CSNK1G3: variants seen among roughly 807,000 people sequenced by gnomAD.
The protein encoded by CSNK1G3 is casein kinase 1 gamma 3, also known as casein kinase I isoform gamma-3.
CSNK1G3 carries 23 observed loss-of-function variants against 64.3 expected under a neutral mutation model. That is an observed-to-expected ratio of 0.36 (90% CI 0.26 to 0.51). The LOEUF is 0.51. Among genes scored for constraint, CSNK1G3 ranks in the 20% least tolerant of loss-of-function variants. The pLI, the probability that CSNK1G3 is intolerant of heterozygous loss-of-function variation, is 0.96. For synonymous variants in CSNK1G3, 158 were observed against 162.2 expected (o/e 0.97, Z 0.20); for missense variants, 357 against 510.5 (o/e 0.70, Z 2.90).
intron 11 of CSNK1G3, 135 bp from the exon 13 acceptor site, chr5:123,605,204 A>C: frequency 1.3e-6 from 1 of 745,914 alleles, no homozygotes; most frequent in Non-Finnish European, 2.1e-6. Flanking sequence ...TAGTTTTTTC[A>C]AAACATAAAT....
chr5:123,613,155 G>A (rs1748747835), intron 12 of CSNK1G3, among the ~76,000 whole-genome samples: 1 of 151,902 alleles, frequency 6.6e-6, no homozygotes, highest in Non-Finnish European at 1.5e-5. Flanking sequence ...AGGATTGTGA[G>A]GCATTTAAGA....
chr5:123,540,215 T>C (rs1781463663), intron 1 of CSNK1G3, among the ~76,000 whole-genome samples: 1 of 152,160 alleles, frequency 6.6e-6, no homozygotes, highest in African/African-American at 2.4e-5. Context: ...AAGTTTTTCA[T>C]TTCAGATATG....
chr5:123,520,303 A>T (rs987445519), intron 1 of CSNK1G3, among the ~76,000 whole-genome samples: 6 of 152,128 alleles, frequency 3.9e-5, no homozygotes, highest in Non-Finnish European at 8.8e-5. Context: ...TATGGGTTGT[A>T]AGTATATGGA....
chr5:123,531,880 A>C (rs183448751), intron 1 of CSNK1G3, among the ~76,000 whole-genome samples: 2 of 152,032 alleles, frequency 1.3e-5, no homozygotes, highest in Admixed American at 1.3e-4. Context: ...AATTGTAAGC[A>C]GGGGGTATTT....
At chr5:123,534,988 T>TAA (rs1780557897) in intron 1 of CSNK1G3, among the ~76,000 whole-genome samples, 1 of 152,176 alleles carries the variant, frequency 6.6e-6, no homozygotes, top group African/African-American at 2.4e-5. Flanking sequence ...CATTGTGCTT[T>TAA]AAAAGCACGA....
intron 1 of CSNK1G3, among the ~76,000 whole-genome samples, chr5:123,522,869 C>T (rs769122416): frequency 5.3e-5 from 8 of 152,022 alleles, no homozygotes; most frequent in South Asian, 4.1e-4. Context: ...TTAAGTATAA[C>T]GCCAAAGTTA....
chr5:123,599,822 T>C lies in CSNK1G3; in HGVS notation c.1087-4902T>C, dbSNP rs1361757030. Among the ~76,000 whole-genome samples, 4 of 152,206 alleles carry C rather than the reference T, an allele frequency of 2.6e-5. No homozygotes were observed. In the East Asian group the frequency reaches 7.7e-4, roughly 29 times the overall value. Reference sequence around the variant, plus strand: ...TTCATCTAGTTTAGGAAATTCCTTATCTAGTATCATTGGGGTAAATCAGCA... The same window carrying C: ...TTCATCTAGTTTAGGAAATTCCTTACCTAGTATCATTGGGGTAAATCAGCA... On this transcript the variant is annotated intron_variant, in intron 10 of 12. Transcript: ENST00000345990.
At chr5:123,530,429 C>G (rs1368327449) in intron 1 of CSNK1G3, among the ~76,000 whole-genome samples, 2 of 152,210 alleles carry the variant, frequency 1.3e-5, no homozygotes, top group East Asian at 3.9e-4. Context: ...AATACAGTAG[C>G]TTTTAAACTG....
chr5:123,615,080 A>G (rs1335657068), exon 13 of CSNK1G3: 1 of 152,642 alleles, frequency 6.6e-6, no homozygotes, highest in Non-Finnish European at 1.5e-5. Context: ...TTGTTGCATC[A>G]CTATGTGAAG....
chr5:123,544,071 A>G (rs1352286665), intron 1 of CSNK1G3, among the ~76,000 whole-genome samples: 1 of 151,870 alleles, frequency 6.6e-6, no homozygotes, highest in Non-Finnish European at 1.5e-5. Flanking sequence ...TGTGCAAAAA[A>G]CTCACAGTCT....
chr5:123,554,914 T>G (rs1187382702), intron 3 of CSNK1G3, among the ~76,000 whole-genome samples: 1 of 152,256 alleles, frequency 6.6e-6, no homozygotes, highest in Non-Finnish European at 1.5e-5. Context: ...CTTGTCTGTT[T>G]CATTCATTAA....
At chr5:123,602,720 G>A (rs1451784211) in intron 10 of CSNK1G3, among the ~76,000 whole-genome samples, 2 of 152,090 alleles carry the variant, frequency 1.3e-5, no homozygotes, top group Non-Finnish European at 2.9e-5. Context: ...CAGAGTTTAA[G>A]GTGCCAAACT....
intron 6 of CSNK1G3, among the ~76,000 whole-genome samples, chr5:123,582,585 T>G (rs1164479786): frequency 6.6e-6 from 1 of 152,216 alleles, no homozygotes; most frequent in Non-Finnish European, 1.5e-5. Flanking sequence ...AAAATAATCT[T>G]TAATGATACC....
At chr5:123,588,968 T>C (rs1791835720) in intron 8 of CSNK1G3, among the ~76,000 whole-genome samples, 1 of 152,150 alleles carries the variant, frequency 6.6e-6, no homozygotes, top group African/African-American at 2.4e-5. Flanking sequence ...AATTTTATAT[T>C]GGGGAGCTGT....
chr5:123,588,271 C>G, intron 7 of CSNK1G3, 118 bp downstream of exon 7: 1 of 1,028,076 alleles, frequency 9.7e-7, no homozygotes, highest in Non-Finnish European at 1.5e-6. Flanking sequence ...GGCATCAGGG[C>G]TCCCTGTGTT....
intron 1 of CSNK1G3, among the ~76,000 whole-genome samples, chr5:123,535,209 A>G (rs928086900): frequency 1.3e-5 from 2 of 152,194 alleles, no homozygotes; most frequent in African/African-American, 4.8e-5. Flanking sequence ...CTTGTAGCGC[A>G]AAAGCATCCA....
At chr5:123,599,925 T>C (rs1309635174) in intron 10 of CSNK1G3, among the ~76,000 whole-genome samples, 2 of 152,154 alleles carry the variant, frequency 1.3e-5, no homozygotes, top group Non-Finnish European at 2.9e-5. Context: ...AAAATAATTA[T>C]CCTAAGTGAA....
rs527246750 is a variant in CSNK1G3 at position 123,600,370 on chromosome 5, A to C, written c.1087-4354A>C. ...GAGGGGCGTGGTGGCTCATGCCTGT[A>C]ATCCCAGCACTTTGGGAGGCTGAGG... On this transcript the variant is annotated intron_variant, in intron 10 of 12. Transcript: ENST00000345990. Among the ~76,000 whole-genome samples, 6 of 152,300 alleles carry C rather than the reference A, an allele frequency of 3.9e-5. No individual in the cohort carries two copies. In the East Asian group the frequency reaches 1.2e-3, roughly 29 times the overall value.
intron 4 of CSNK1G3, among the ~76,000 whole-genome samples, chr5:123,562,996 C>G (rs1019315132): frequency 6.6e-5 from 10 of 151,890 alleles, no homozygotes; most frequent in African/African-American, 2.4e-4. Context: ...TTTTGGAGGT[C>G]TGTGATTCTC....
Sources: allele counts gnomAD v4.1 joint callset (sites outside exome capture counted in the v4.1 genomes callset), GRCh38; gene constraint gnomAD v4.1.1; transcripts MANE v1.5; gene names NCBI Gene and HGNC (gene_info 2026-07-23, HGNC 2026-07-21).